Variants in DPP10 observed in about 807,000 individuals in gnomAD.
DPP10 encodes the protein dipeptidyl peptidase like 10.
DPP10 carries 33 observed loss-of-function variants against 120.9 expected under a neutral mutation model. That is an observed-to-expected ratio of 0.27 (90% confidence interval 0.21 to 0.37). DPP10 has a LOEUF of 0.37. DPP10 is among the 10% of genes least tolerant of loss of function. DPP10 has a pLI of 1.00. For missense variants in DPP10, 816 were observed against 942.8 expected, an observed-to-expected ratio of 0.87 and a Z score of 1.76; for synonymous variants, 337 against 326.1, an observed-to-expected ratio of 1.03 and a Z score of -0.36.
intron 3 of DPP10, among the ~76,000 whole-genome samples, chr2:115,395,759 T>G (rs1427922624): frequency 6.6e-6 from 1 of 152,048 alleles, no homozygotes; most frequent in Non-Finnish European, 1.5e-5. Context: ...AAATTTGCAT[T>G]ATTTTACATT....
intron 20 of DPP10, among the ~76,000 whole-genome samples, 183 bp from the exon 21 acceptor site, chr2:115,815,492 A>T (rs1364387391): frequency 6.6e-6 from 1 of 152,188 alleles, no homozygotes; most frequent in Non-Finnish European, 1.5e-5. Context: ...ATACCAAACT[A>T]CTAGGCCATC....
chr2:115,519,132 AT>A (rs2077659485), intron 4 of DPP10, among the ~76,000 whole-genome samples: 1 of 152,010 alleles, frequency 6.6e-6, no homozygotes, highest in Non-Finnish European at 1.5e-5. Context: ...TTTCTGCCCT[AT>A]TTTTTTAAGT....
intron 1 of DPP10, among the ~76,000 whole-genome samples, chr2:114,624,653 A>G (rs1194863871): frequency 6.6e-6 from 1 of 151,992 alleles, no homozygotes; most frequent in African/African-American, 2.4e-5. Flanking sequence ...TATGGTGATA[A>G]GTATATAAGA....
intron 8 of DPP10, 86 bp downstream of exon 8, chr2:115,728,022 C>A: frequency 1.4e-6 from 2 of 1,426,038 alleles, no homozygotes; most frequent in Non-Finnish European, 9.5e-7. Flanking sequence ...CATTCCGGAG[C>A]AATACTTACA....
At chr2:115,281,566 G>A (rs2060158226) in intron 1 of DPP10, among the ~76,000 whole-genome samples, 1 of 152,170 alleles carries the variant, frequency 6.6e-6, no homozygotes, top group African/African-American at 2.4e-5. Flanking sequence ...GCCCGTAGGA[G>A]TAAACATAAC....
chr2:114,782,980 A>C (rs1349102830), intron 1 of DPP10, among the ~76,000 whole-genome samples: 1 of 152,158 alleles, frequency 6.6e-6, no homozygotes, highest in African/African-American at 2.4e-5. Context: ...TAAAATGAGA[A>C]AGAATTGATA....
rs556479728 is a variant in DPP10, at chr2:115,553,387, A to G, written c.441+27415A>G. On this transcript the variant is annotated intron_variant, in intron 5 of 25. Transcript: ENST00000410059. ...AGATTCATAAATGAAAATTATCACT[A>G]TTTTCAGGATTAAGAAGTATATTAA... Among the ~76,000 whole-genome samples, 7 of 152,048 alleles carry G rather than the reference A, an allele frequency of 4.6e-5. No homozygotes were observed. In the South Asian group the frequency reaches 1.0e-3, roughly 23 times the overall value.
chr2:114,789,759 G>A (rs866150867), intron 1 of DPP10, among the ~76,000 whole-genome samples: 1 of 152,230 alleles, frequency 6.6e-6, no homozygotes, highest in Non-Finnish European at 1.5e-5. Flanking sequence ...GAGATGGGAA[G>A]TTAAATAATG....
chr2:115,243,307 C>G (rs886609936), intron 1 of DPP10, among the ~76,000 whole-genome samples: 1 of 152,126 alleles, frequency 6.6e-6, no homozygotes, highest in Non-Finnish European at 1.5e-5. Flanking sequence ...ACCCTACTGA[C>G]TGAGCATCTC....
intron 1 of DPP10, among the ~76,000 whole-genome samples, chr2:115,013,827 C>A (rs894639141): frequency 6.6e-6 from 1 of 152,026 alleles, no homozygotes; most frequent in African/African-American, 2.4e-5. Context: ...CATACTGGAG[C>A]ACCCAAATTC....
chr2:114,633,259 T>C (rs1187631003), intron 1 of DPP10, among the ~76,000 whole-genome samples: 6 of 133,478 alleles, frequency 4.5e-5, no homozygotes, highest in Non-Finnish European at 7.9e-5. Context: ...TTTTTTTTTT[T>C]TTTTTTTTTT....
intron 1 of DPP10, among the ~76,000 whole-genome samples, chr2:114,991,474 T>G (rs1165701732): frequency 6.6e-6 from 1 of 152,160 alleles, no homozygotes. Context: ...CAGAAGTAAA[T>G]AATCAGATAT....
chr2:115,355,836 T>G (rs1245748902), intron 3 of DPP10, among the ~76,000 whole-genome samples: 3 of 152,212 alleles, frequency 2.0e-5, no homozygotes, highest in Non-Finnish European at 4.4e-5. Flanking sequence ...TGCTTATTTT[T>G]GTCAGGTTTG....
chr2:115,754,987 T>C (rs1028004013), intron 11 of DPP10, among the ~76,000 whole-genome samples: 1 of 152,036 alleles, frequency 6.6e-6, no homozygotes, highest in Non-Finnish European at 1.5e-5. Context: ...AGTGAAGAAA[T>C]CTCACATGTG....
chr2:115,030,565 A>G (rs1703769018), intron 1 of DPP10, among the ~76,000 whole-genome samples: 1 of 152,166 alleles, frequency 6.6e-6, no homozygotes, highest in Admixed American at 6.6e-5. Context: ...GGTTTGCTGC[A>G]TAGATCATCC....
intron 1 of DPP10, among the ~76,000 whole-genome samples, chr2:115,016,019 CA>C (rs1480472819): frequency 9.9e-5 from 15 of 151,952 alleles, no homozygotes; most frequent in African/African-American, 3.6e-4. Flanking sequence ...CATATGGAAC[CA>C]AAAAAGAGCC....
intron 5 of DPP10, among the ~76,000 whole-genome samples, chr2:115,653,725 T>A (rs1045748487): frequency 1.3e-5 from 2 of 151,906 alleles, no homozygotes; most frequent in African/African-American, 4.8e-5. Flanking sequence ...GGCAAGTTGA[T>A]GTTGATGTGA....
intron 2 of DPP10, among the ~76,000 whole-genome samples, chr2:115,337,521 TCAA>T (rs2063211315): frequency 6.6e-6 from 1 of 151,922 alleles, no homozygotes; most frequent in African/African-American, 2.4e-5. Flanking sequence ...GTGGTCTTTG[TCAA>T]CATTGCCGAG....
intron 11 of DPP10, among the ~76,000 whole-genome samples, chr2:115,755,032 G>A (rs6724260): frequency 0.086 from 13,021 of 152,028 alleles, 612 homozygotes; most frequent in South Asian, 0.13. Context: ...CATATATCCC[G>A]TAATTCACAC....
Sources: allele counts gnomAD v4.1 joint callset (sites outside exome capture counted in the v4.1 genomes callset), GRCh38; gene constraint gnomAD v4.1.1; transcripts MANE v1.5; gene names NCBI Gene and HGNC (gene_info 2026-07-23, HGNC 2026-07-21).